COX7B2: variants seen among roughly 807,000 people sequenced by gnomAD.
COX7B2 encodes the protein cytochrome c oxidase subunit 7B2.
For missense variants in COX7B2, 109 were observed against 95.9 expected (o/e 1.14, Z -0.57); for synonymous variants, 37 against 32.1 (o/e 1.15, Z -0.51).
At chr4:46,907,262 T>G (rs1273345553) in intron 1 of COX7B2, among the ~76,000 whole-genome samples, 1 of 152,198 alleles carries the variant, frequency 6.6e-6, no homozygotes, top group East Asian at 1.9e-4. Flanking sequence ...ATTTTCTATG[T>G]CATTTCTCTT....
chr4:46,735,201 GCAGTTGCCTTCAGCTACTGGTCTA>G lies in COX7B2; in HGVS notation c.-33_-10del. The G allele has an allele frequency of 6.2e-7, 1 of 1,612,778 alleles. No homozygotes were observed. Among genetic ancestry groups the G allele is most frequent in the Non-Finnish European group, 8.5e-7 (1 of 1,179,642 alleles). On this transcript the variant is annotated 5_prime_UTR_variant, in exon 3 of 3. Coordinates refer to ENST00000355591, the MANE Select transcript of COX7B2 (RefSeq NM_130902.3). ...GCCAAGGGAAACATCATGAAGGATTGCAGTTGCCTTCAGCTACTGGTCTATTTTGTTGCAAAGAGGCTGGAAAGA... is the reference window on the plus strand; with the variant it reads ...GCCAAGGGAAACATCATGAAGGATTGTTTTGTTGCAAAGAGGCTGGAAAGA...
chr4:46,883,413 G>A (rs1384215677), intron 1 of COX7B2, among the ~76,000 whole-genome samples: 1 of 151,248 alleles, frequency 6.6e-6, no homozygotes, highest in African/African-American at 2.4e-5. Context: ...AGTATTTTCT[G>A]AAAAATTCTT....
intron 2 of COX7B2, among the ~76,000 whole-genome samples, chr4:46,819,919 A>T (rs1714154572): frequency 6.6e-6 from 1 of 152,234 alleles, no homozygotes; most frequent in African/African-American, 2.4e-5. Flanking sequence ...TAAGCAAGGC[A>T]ATATGCCAGA....
chr4:46,807,568 C>T (rs1171718717), intron 2 of COX7B2, among the ~76,000 whole-genome samples: 1 of 151,478 alleles, frequency 6.6e-6, no homozygotes, highest in Non-Finnish European at 1.5e-5. Context: ...TGGTGCTGTC[C>T]AAAACAATCA....
rs115255843 is a variant in COX7B2, at chr4:46,803,813, G to A, written c.-50+41147C>T. On this transcript the variant is annotated intron_variant, in intron 2 of 2. Transcript: ENST00000355591. ...GACAAGTATTTAATGCAGTTTATCC[G>A]TCCCCAACCTAATATTTTAAAAATC... Among the ~76,000 whole-genome samples the A allele has an allele frequency of 4.1e-3, 589 of 144,530 alleles. 4 individuals are homozygous for A. Among genetic ancestry groups the A allele is most frequent in the African/African-American group, 0.014 (555 of 38,806 alleles). 94.8% of individuals were successfully genotyped at this position (144,530 alleles called of 152,430 possible). A position where few individuals can be genotyped will look rare whatever the true frequency, so the allele number is the denominator to read the frequency against.
chr4:46,879,997 T>C (rs1301392146), intron 1 of COX7B2, among the ~76,000 whole-genome samples: 1 of 152,134 alleles, frequency 6.6e-6, no homozygotes, highest in African/African-American at 2.4e-5. Context: ...CTGTCTTGAA[T>C]AGAAGTGGTG....
At chr4:46,846,248 G>A (rs965486213) in intron 1 of COX7B2, among the ~76,000 whole-genome samples, 7 of 151,854 alleles carry the variant, frequency 4.6e-5, no homozygotes, top group African/African-American at 9.7e-5. Context: ...AACATTTAAC[G>A]GCTTCAGATA....
At chr4:46,786,676 T>G (rs769911511) in intron 2 of COX7B2, among the ~76,000 whole-genome samples, 1 of 152,140 alleles carries the variant, frequency 6.6e-6, no homozygotes, top group Non-Finnish European at 1.5e-5. Context: ...TGGTAGGATG[T>G]GAAAGTAGCC....
chr4:46,816,139 C>T (rs903957251), intron 2 of COX7B2, among the ~76,000 whole-genome samples: 56 of 152,178 alleles, frequency 3.7e-4, no homozygotes, highest in African/African-American at 1.3e-3. Flanking sequence ...ACAACTATTA[C>T]AGCCTGTAAA....
At chr4:46,811,359 G>T (rs1719275669) in intron 2 of COX7B2, among the ~76,000 whole-genome samples, 1 of 149,288 alleles carries the variant, frequency 6.7e-6, no homozygotes. Flanking sequence ...ATTTTCCTTT[G>T]AGTCATGTCA....
At chr4:46,879,663 T>C (rs1298854631) in intron 1 of COX7B2, among the ~76,000 whole-genome samples, 2 of 151,680 alleles carry the variant, frequency 1.3e-5, no homozygotes, top group African/African-American at 4.8e-5. Flanking sequence ...ACCTCTTCAA[T>C]ACATTTATTG....
At chr4:46,750,244 A>ACACACACACAC (rs1715284757) in intron 2 of COX7B2, among the ~76,000 whole-genome samples, 1 of 144,878 alleles carries the variant, frequency 6.9e-6, no homozygotes, top group Non-Finnish European at 1.5e-5. Context: ...ACACACACAC[A>ACACACACACAC]TTATCCAGGT....
chr4:46,900,276 G>A (rs1176603501), intron 1 of COX7B2, among the ~76,000 whole-genome samples: 2 of 152,182 alleles, frequency 1.3e-5, no homozygotes, highest in Non-Finnish European at 2.9e-5. Flanking sequence ...GGCTCCTCTG[G>A]AGATTTTTAT....
chr4:46,779,172 T>C (rs1717311788), intron 2 of COX7B2, among the ~76,000 whole-genome samples: 1 of 152,202 alleles, frequency 6.6e-6, no homozygotes, highest in Non-Finnish European at 1.5e-5. Context: ...TTTACTTATA[T>C]TATTACATTT....
chr4:46,766,722 A>G (rs1372142669), intron 2 of COX7B2, among the ~76,000 whole-genome samples: 1 of 151,544 alleles, frequency 6.6e-6, no homozygotes, highest in African/African-American at 2.4e-5. Flanking sequence ...AAAAAAAAAA[A>G]AGAGTCAGGG....
intron 2 of COX7B2, among the ~76,000 whole-genome samples, chr4:46,786,184 G>A (rs934998749): frequency 3.3e-5 from 5 of 152,032 alleles, no homozygotes; most frequent in African/African-American, 1.2e-4. Context: ...ATAACCACTG[G>A]TAAAATATTG....
At chr4:46,812,854 C>A (rs967004044) in intron 2 of COX7B2, among the ~76,000 whole-genome samples, 1 of 152,206 alleles carries the variant, frequency 6.6e-6, no homozygotes, top group African/African-American at 2.4e-5. Flanking sequence ...GTGGCATCAA[C>A]TATGATGCTT....
intron 2 of COX7B2, among the ~76,000 whole-genome samples, chr4:46,767,682 T>A (rs905367817): frequency 1.3e-5 from 2 of 151,754 alleles, no homozygotes; most frequent in African/African-American, 4.9e-5. Flanking sequence ...AAATTAGAAA[T>A]CACTAACAGG....
intron 2 of COX7B2, among the ~76,000 whole-genome samples, chr4:46,826,291 G>A (rs1463152453): frequency 1.3e-5 from 2 of 152,108 alleles, no homozygotes; most frequent in Non-Finnish European, 2.9e-5. Flanking sequence ...TTCATCATTA[G>A]AGAAATGCAA....
Sources: gnomAD v4.1 joint callset for allele counts (sites outside exome capture counted in the v4.1 genomes callset) on GRCh38, gnomAD v4.1.1 for gene constraint, MANE v1.5 for transcripts, NCBI Gene and HGNC (gene_info 2026-07-23, HGNC 2026-07-21) for gene names.